Variants in CCDC152 observed in about 807,000 individuals in gnomAD.
CCDC152 encodes coiled-coil domain-containing protein 152.
In CCDC152, 37 loss-of-function variants were observed where a neutral mutation model predicts 38.1. The ratio of observed to expected loss-of-function variants is 0.97; its 90% CI spans 0.75 to 1.28. The LOEUF is 1.28. Ranked by LOEUF, CCDC152 falls within the 50% of genes most tolerant of loss-of-function variation. The probability of loss-of-function intolerance (pLI) is 0.00; values close to 1 mark genes in which losing one functional copy is unlikely to be tolerated. For missense variants in CCDC152, 259 were observed against 292.1 expected (o/e 0.89, Z 0.83); for synonymous variants, 83 against 87.1 (o/e 0.95, Z 0.26).
chr5:42,786,062 G>A (rs1379779924), intron 6 of CCDC152, among the ~76,000 whole-genome samples: 6 of 152,006 alleles, frequency 3.9e-5, no homozygotes, highest in Admixed American at 2.6e-4. Context: ...AGGGATATTG[G>A]CCTGTTGTTT....
intron 2 of CCDC152, among the ~76,000 whole-genome samples, chr5:42,759,576 T>C (rs896186182): frequency 5.9e-5 from 9 of 152,166 alleles, no homozygotes; most frequent in Non-Finnish European, 1.2e-4. Context: ...AAATAAACAA[T>C]TCATAAATTT....
rs370590668 is a variant in CCDC152 at position 42,801,097 on chromosome 5, G to T, written c.*1316G>T. The T allele has an allele frequency of 1.4e-5, 23 of 1,614,012 alleles. No individual in the cohort carries two copies. Among genetic ancestry groups the T allele is most frequent in the Non-Finnish European group, 1.9e-5 (22 of 1,180,026 alleles). On this transcript the variant is annotated 3_prime_UTR_variant, in exon 9 of 9. Coordinates refer to ENST00000361970, the MANE Select transcript of CCDC152 (RefSeq NM_001134848.2). ...GCTGGCATATCTCGGTTCTCTGGGTGACCCTGCCTATGCTGACCCTTGTGC... is the reference window on the plus strand; with the variant it reads ...GCTGGCATATCTCGGTTCTCTGGGTTACCCTGCCTATGCTGACCCTTGTGC...
chr5:42,761,019 A>G (rs1456577849), intron 2 of CCDC152, among the ~76,000 whole-genome samples: 1 of 152,224 alleles, frequency 6.6e-6, no homozygotes, highest in East Asian at 1.9e-4. Context: ...GGATGGTAAT[A>G]TTAACAGATG....
intron 2 of CCDC152, among the ~76,000 whole-genome samples, chr5:42,761,606 C>A (rs565216921): frequency 1.3e-4 from 19 of 151,998 alleles, no homozygotes; most frequent in African/African-American, 4.3e-4. Context: ...CAGAGTCAGA[C>A]TTCATCTCAA....
intron 4 of CCDC152, among the ~76,000 whole-genome samples, chr5:42,774,548 A>G (rs1363657066): frequency 6.6e-6 from 1 of 152,170 alleles, no homozygotes; most frequent in Non-Finnish European, 1.5e-5. Flanking sequence ...TAGCCTTCCC[A>G]ACTCTAGCCC....
chr5:42,770,576 C>G (rs572326913), intron 4 of CCDC152, among the ~76,000 whole-genome samples: 1 of 152,014 alleles, frequency 6.6e-6, no homozygotes, highest in African/African-American at 2.4e-5. Context: ...AGTGCAGTGG[C>G]TCCAGGTTTG....
intron 1 of CCDC152, 80 bp from the exon 2 acceptor site, chr5:42,759,040 G>A: frequency 4.1e-6 from 4 of 979,872 alleles, no homozygotes; most frequent in Non-Finnish European, 5.9e-6. Flanking sequence ...AGAAATGTTA[G>A]TATTTGAGCT....
At chr5:42,768,563 A>G (rs564983060) in intron 3 of CCDC152, among the ~76,000 whole-genome samples, 15 of 152,332 alleles carry the variant, frequency 9.8e-5, no homozygotes, top group African/African-American at 3.6e-4. Context: ...CTATTATGTC[A>G]GCAGCCATTG....
At chr5:42,759,947 G>A (rs147236186) in intron 2 of CCDC152, among the ~76,000 whole-genome samples, 1 of 152,148 alleles carries the variant, frequency 6.6e-6, no homozygotes. Flanking sequence ...GTGGTTTCAG[G>A]CATCCACTGG....
chr5:42,799,569 A>G (rs188206501), intron 8 of CCDC152, 90 bp from the exon 9 acceptor site: 3 of 1,168,476 alleles, frequency 2.6e-6, no homozygotes, highest in Admixed American at 2.6e-5. Context: ...TAAAATACCA[A>G]TAGCAGAAGT....
intron 6 of CCDC152, 26 bp from the exon 7 acceptor site, chr5:42,796,803 A>G: frequency 7.5e-7 from 1 of 1,337,944 alleles, no homozygotes; most frequent in African/African-American, 1.5e-5. Context: ...TTAACAAATG[A>G]ATTTTATTTA....
intron 1 of CCDC152, among the ~76,000 whole-genome samples, chr5:42,758,906 GT>G (rs1441812936): frequency 6.6e-6 from 1 of 152,128 alleles, no homozygotes; most frequent in Non-Finnish European, 1.5e-5. Flanking sequence ...ATATAAATAA[GT>G]CAACTGGGGT....
Position 42,783,628 on chromosome 5 carries a change from T to A in CCDC152, c.430+52T>A, listed in dbSNP as rs1446635634. The A allele has an allele frequency of 1.5e-5, 14 of 908,032 alleles. No individual in the cohort carries two copies. In the Admixed American group the frequency reaches 5.5e-4, roughly 36 times the overall value. 56.2% of individuals were successfully genotyped at this position (908,032 alleles called of 1,614,324 possible). A position where few individuals can be genotyped will look rare whatever the true frequency, so the allele number is the denominator to read the frequency against. ...TGTTATTGATTCAACAGATATAATG[T>A]GTGGGTTTGTTACATGGGTATTTTG... On this transcript the variant is annotated intron_variant, in intron 6 of 8. Coordinates refer to ENST00000361970, the MANE Select transcript of CCDC152 (RefSeq NM_001134848.2).
At chr5:42,784,870 C>T (rs981151297) in intron 6 of CCDC152, among the ~76,000 whole-genome samples, 23 of 151,922 alleles carry the variant, frequency 1.5e-4, no homozygotes, top group African/African-American at 5.6e-4. Context: ...GAATCTTTTC[C>T]TCATTGTTTA....
In CCDC152 at chr5:42,788,341, C is replaced by T. The variant is rs1579719612; in HGVS notation, c.430+4765C>T. Among the ~76,000 whole-genome samples the T allele has an allele frequency of 2.7e-5, 4 of 146,394 alleles. No homozygotes were observed. The South Asian group carries it at 9.0e-4, about 33-fold the overall frequency. On this transcript the variant is annotated intron_variant, in intron 6 of 8. Coordinates refer to ENST00000361970, the MANE Select transcript of CCDC152 (RefSeq NM_001134848.2). Reference sequence around the variant, plus strand: ...TTTAAGGTCAATGCCAAAAAAAAAACAAAAAACCCTCAAAGGCAGCTAGAG... The same window carrying T: ...TTTAAGGTCAATGCCAAAAAAAAAATAAAAAACCCTCAAAGGCAGCTAGAG...
At chr5:42,795,563 G>A (rs937619143) in intron 6 of CCDC152, among the ~76,000 whole-genome samples, 21 of 152,080 alleles carry the variant, frequency 1.4e-4, no homozygotes, top group Middle Eastern at 3.4e-3. Flanking sequence ...CAATAAATGC[G>A]GAATACGTAT....
intron 3 of CCDC152, among the ~76,000 whole-genome samples, chr5:42,768,836 G>A (rs1441339506): frequency 6.6e-6 from 1 of 152,156 alleles, no homozygotes; most frequent in African/African-American, 2.4e-5. Flanking sequence ...ATATATGCAG[G>A]TGTGCCTTAC....
intron 3 of CCDC152, among the ~76,000 whole-genome samples, chr5:42,765,301 G>A (rs1159636796): frequency 6.6e-6 from 1 of 152,142 alleles, no homozygotes; most frequent in Non-Finnish European, 1.5e-5. Flanking sequence ...CATGTTCTTG[G>A]ATTGGAAGAA....
Position 42,801,438 on chromosome 5 carries a change from A to T in CCDC152, c.*1657A>T. ...TGTGAAATTCCAACTAGTTAATTAGAATCGAGCTGGCTTTGTATTATATTA... is the reference window on the plus strand; with the variant it reads ...TGTGAAATTCCAACTAGTTAATTAGTATCGAGCTGGCTTTGTATTATATTA... On this transcript the variant is annotated 3_prime_UTR_variant, in exon 9 of 9. Transcript: ENST00000361970. 1.2e-6 allele frequency: 1 copy of T among 815,822 alleles called. No homozygotes were observed. Among genetic ancestry groups the T allele is most frequent in the Non-Finnish European group, 1.9e-6 (1 of 522,382 alleles). 50.5% of individuals were successfully genotyped at this position (815,822 alleles called of 1,614,324 possible).
Sources: allele counts gnomAD v4.1 joint callset (sites outside exome capture counted in the v4.1 genomes callset), GRCh38; gene constraint gnomAD v4.1.1; transcripts MANE v1.5; gene names NCBI Gene and HGNC (gene_info 2026-07-23, HGNC 2026-07-21).